Variants in IL1RAPL2 observed in about 807,000 individuals in gnomAD.
IL1RAPL2 encodes interleukin 1 receptor accessory protein like 2, also known as X-linked interleukin-1 receptor accessory protein-like 2.
In IL1RAPL2, 3 loss-of-function variants were observed where a neutral mutation model predicts 44.1. That is an observed-to-expected ratio of 0.07 (90% CI 0.03 to 0.18). The LOEUF (loss-of-function observed/expected upper bound fraction) is 0.18, where lower values mean the gene tolerates loss of function less well. Ranked by LOEUF, IL1RAPL2 falls within the 10% of genes least tolerant of loss-of-function variation. IL1RAPL2 has a pLI of 1.00. For missense variants in IL1RAPL2, 391 were observed against 496.4 expected (o/e 0.79, Z 2.02); for synonymous variants, 181 against 178.8 (o/e 1.01, Z -0.10).
At chrX:105,400,939 G>C (rs1481554722) in intron 5 of IL1RAPL2, among the ~76,000 whole-genome samples, 1 of 111,789 alleles carries the variant, frequency 8.9e-6, no homozygotes, top group Non-Finnish European at 1.9e-5. Flanking sequence ...AATTCTGGAG[G>C]CTGGAAATCT....
chrX:104,647,556 G>T (rs1930066788), intron 1 of IL1RAPL2: 1 of 514,490 alleles, frequency 1.9e-6, no homozygotes, highest in African/African-American at 2.3e-5. Flanking sequence ...TCACTCACCT[G>T]CCTGGAGAGC....
At chrX:104,821,326 A>G (rs1036990191) in intron 2 of IL1RAPL2, among the ~76,000 whole-genome samples, 5 of 110,628 alleles carry the variant, frequency 4.5e-5, no homozygotes, top group African/African-American at 1.6e-4. Context: ...TACGTGTGCC[A>G]TGGTGGTTTG....
intron 6 of IL1RAPL2, among the ~76,000 whole-genome samples, chrX:105,669,785 A>G (rs767113236): frequency 2.7e-5 from 3 of 109,851 alleles, no homozygotes; most frequent in Non-Finnish European, 3.8e-5. Context: ...ACTATCCCCT[A>G]TTTAACTTCT....
chrX:105,764,639 A>AAAAAT (rs1237591951), intron 10 of IL1RAPL2, among the ~76,000 whole-genome samples: 2 of 110,767 alleles, frequency 1.8e-5, no homozygotes, highest in East Asian at 5.7e-4. Context: ...CACCTCTATA[A>AAAAAT]AAAATAATAA....
At chrX:105,157,448 AT>A (rs1372709331) in intron 2 of IL1RAPL2, among the ~76,000 whole-genome samples, 9 of 111,969 alleles carry the variant, frequency 8.0e-5, no homozygotes, top group Non-Finnish European at 1.5e-4. Context: ...CATCCTCTCA[AT>A]TTTCAATTAT....
rs1270454109 is a variant in IL1RAPL2 at position 104,755,320 on chromosome X, T to TAC, written c.82+96326_82+96327insCA. ...GGCAAGGGCTATTATCACCATTTTG[T>TAC]AGGCTAGGACACTGAGGCTCCAAGA... On this transcript the variant is annotated intron_variant, in intron 2 of 10. Coordinates refer to ENST00000372582, the MANE Select transcript of IL1RAPL2 (RefSeq NM_017416.2). Among the ~76,000 whole-genome samples, 18 of 109,677 alleles carry TAC rather than the reference T, an allele frequency of 1.6e-4. No homozygotes were observed. The South Asian group carries it at 6.0e-3, about 37-fold the overall frequency.
At chrX:104,645,001 C>T (rs1230327541) in intron 1 of IL1RAPL2, among the ~76,000 whole-genome samples, 1 of 111,423 alleles carries the variant, frequency 9.0e-6, no homozygotes, top group Non-Finnish European at 1.9e-5. Context: ...ACTTGATCAC[C>T]CAGCGTTTAA....
intron 2 of IL1RAPL2, among the ~76,000 whole-genome samples, chrX:104,766,798 G>C (rs996838062): frequency 4.5e-5 from 5 of 112,113 alleles, no homozygotes; most frequent in Non-Finnish European, 9.4e-5. Context: ...ATGAAAAGAT[G>C]ATGCAAATAA....
At chrX:104,972,024 G>A in intron 2 of IL1RAPL2, among the ~76,000 whole-genome samples, 1 of 111,642 alleles carries the variant, frequency 9.0e-6, no homozygotes, top group Non-Finnish European at 1.9e-5. Context: ...GGCACACATC[G>A]AGGCCTTACA....
At chrX:105,675,740 A>G (rs5916944) in intron 6 of IL1RAPL2, among the ~76,000 whole-genome samples, 36,160 of 110,070 alleles carry the variant, frequency 0.33, 4,497 homozygotes, top group Middle Eastern at 0.39. Context: ...AAATGGTATC[A>G]GCTCCTCTTT....
intron 5 of IL1RAPL2, among the ~76,000 whole-genome samples, chrX:105,330,556 A>G (rs2034978336): frequency 9.0e-6 from 1 of 111,592 alleles, no homozygotes; most frequent in South Asian, 3.7e-4. Flanking sequence ...CAAAGTGTCC[A>G]GAACAAAATT....
intron 2 of IL1RAPL2, among the ~76,000 whole-genome samples, chrX:104,948,557 T>A (rs1183427780): frequency 9.3e-6 from 1 of 107,990 alleles, no homozygotes. Context: ...TGTGGGTTTG[T>A]CATAGATAGC....
At chrX:105,283,253 A>G (rs2034545933) in intron 5 of IL1RAPL2, among the ~76,000 whole-genome samples, 1 of 111,878 alleles carries the variant, frequency 8.9e-6, no homozygotes, top group African/African-American at 3.2e-5. Flanking sequence ...GATTAAGTGA[A>G]TAAACATATG....
At chrX:105,068,846 T>C (rs1292819544) in intron 2 of IL1RAPL2, among the ~76,000 whole-genome samples, 1 of 112,178 alleles carries the variant, frequency 8.9e-6, no homozygotes, top group Non-Finnish European at 1.9e-5. Context: ...CAAAAAATTG[T>C]TTGCCATGCA....
At chrX:104,886,028 CT>C (rs1923233253) in intron 2 of IL1RAPL2, among the ~76,000 whole-genome samples, 1 of 112,819 alleles carries the variant, frequency 8.9e-6, no homozygotes, top group Non-Finnish European at 1.9e-5. Flanking sequence ...AGGAAATTGA[CT>C]TCCTCCTGGA....
chrX:105,761,170 C>A (rs1180249804), intron 10 of IL1RAPL2, among the ~76,000 whole-genome samples: 5 of 97,758 alleles, frequency 5.1e-5, no homozygotes, highest in Non-Finnish European at 1.0e-4. Context: ...CAGAGCGAGA[C>A]TCCGTCTCAA....
intron 5 of IL1RAPL2, among the ~76,000 whole-genome samples, chrX:105,478,104 G>A (rs73527171): frequency 3.0e-3 from 328 of 110,282 alleles, no homozygotes; most frequent in African/African-American, 0.01. Flanking sequence ...CAATGAGATG[G>A]TATTGCCTGT....
At chrX:105,668,637 T>G (rs1316841223) in intron 6 of IL1RAPL2, among the ~76,000 whole-genome samples, 1 of 112,236 alleles carries the variant, frequency 8.9e-6, no homozygotes, top group Non-Finnish European at 1.9e-5. Flanking sequence ...ATGCAGGTCC[T>G]AAAGGCTTAT....
chrX:105,227,721 C>G (rs1556191203), intron 3 of IL1RAPL2, among the ~76,000 whole-genome samples: 2 of 112,094 alleles, frequency 1.8e-5, no homozygotes, highest in Non-Finnish European at 3.8e-5. Flanking sequence ...AATGCATTAA[C>G]ATTGCAAGTT....
Sources: gnomAD v4.1 joint callset for allele counts (sites outside exome capture counted in the v4.1 genomes callset) on GRCh38, gnomAD v4.1.1 for gene constraint, MANE v1.5 for transcripts, NCBI Gene and HGNC (gene_info 2026-07-23, HGNC 2026-07-21) for gene names.